The following ITSN1 variants were observed in gnomAD, a reference collection of about 807,000 sequenced individuals.
ITSN1 encodes intersectin-1.
In ITSN1, 58 loss-of-function variants were observed where a neutral mutation model predicts 239.8. The ratio of observed to expected loss-of-function variants is 0.24; its 90% CI spans 0.20 to 0.30. The LOEUF (loss-of-function observed/expected upper bound fraction) is 0.30. Ranked by LOEUF, ITSN1 falls within the 10% of genes least tolerant of loss-of-function variation. The probability of loss-of-function intolerance (pLI) is 1.00; values close to 1 mark genes in which losing one functional copy is unlikely to be tolerated. For missense variants in ITSN1, 1,558 were observed against 2,103.3 expected (o/e 0.74, Z 5.07); for synonymous variants, 780 against 770.8 (o/e 1.01, Z -0.20).
chr21:33,749,133 C>T (rs896755037), intron 5 of ITSN1, among the ~76,000 whole-genome samples: 4 of 151,800 alleles, frequency 2.6e-5, no homozygotes, highest in Non-Finnish European at 4.4e-5. Context: ...GGCCTACAGG[C>T]GGGTACCACC....
intron 33 of ITSN1, among the ~76,000 whole-genome samples, chr21:33,867,855 A>G (rs2148508274): frequency 6.6e-6 from 1 of 151,464 alleles, no homozygotes; most frequent in East Asian, 2.0e-4. Flanking sequence ...GAAGCTGCAG[A>G]CCTTCGCGGT....
intron 1 of ITSN1, 107 bp from the exon 2 acceptor site, chr21:33,718,690 T>C: frequency 1.3e-6 from 1 of 744,690 alleles, no homozygotes; most frequent in South Asian, 1.6e-5. Context: ...AGCTATGCTC[T>C]GGCTCTAGTA....
At chr21:33,761,775 C>T in intron 8 of ITSN1, 148 bp from the exon 9 acceptor site, 1 of 596,750 alleles carries the variant, frequency 1.7e-6, no homozygotes, top group Non-Finnish European at 3.1e-6. Context: ...TTCCTTTTTA[C>T]AAAGCCCCTG....
chr21:33,761,863 C>T (rs2068353266), intron 8 of ITSN1, 60 bp from the exon 9 acceptor site: 10 of 1,234,410 alleles, frequency 8.1e-6, no homozygotes, highest in South Asian at 1.2e-5. Flanking sequence ...AACCCTGGTC[C>T]TCCTGTACAG....
chr21:33,872,616 C>T (rs539624911), intron 33 of ITSN1, among the ~76,000 whole-genome samples: 1 of 152,288 alleles, frequency 6.6e-6, no homozygotes, highest in South Asian at 2.1e-4. Flanking sequence ...ACTGCAATGT[C>T]CGCCTCCTGG....
intron 35 of ITSN1, 142 bp from the exon 36 acceptor site, chr21:33,883,408 C>A: frequency 9.1e-7 from 1 of 1,099,436 alleles, no homozygotes; most frequent in Non-Finnish European, 1.3e-6. Flanking sequence ...TACTGAAACA[C>A]ACGCACGAGT....
intron 30 of ITSN1, 135 bp from the exon 31 acceptor site, chr21:33,858,551 C>T (rs1461909643): frequency 1.1e-5 from 6 of 527,936 alleles, no homozygotes; most frequent in South Asian, 3.1e-5. Context: ...TGCAGGAAAG[C>T]AGGCGTTCAC....
intron 33 of ITSN1, among the ~76,000 whole-genome samples, chr21:33,870,085 C>A (rs1018337136): frequency 1.3e-5 from 2 of 152,154 alleles, no homozygotes; most frequent in African/African-American, 2.4e-5. Context: ...TTACATGTGA[C>A]AAATCTCCCT....
intron 17 of ITSN1, among the ~76,000 whole-genome samples, chr21:33,795,038 G>A (rs1248798602): frequency 1.3e-5 from 2 of 152,114 alleles, no homozygotes; most frequent in Non-Finnish European, 2.9e-5. Context: ...GTAGAAATTT[G>A]TGTCTGATTT....
At chr21:33,817,384 C>CA (rs1301374664) in intron 22 of ITSN1, 2 of 1,304,438 alleles carry the variant, frequency 1.5e-6, no homozygotes, top group South Asian at 1.2e-5. Flanking sequence ...CCCTAGCTGT[C>CA]AAAGTCCTTC....
intron 1 of ITSN1, among the ~76,000 whole-genome samples, chr21:33,696,522 A>G (rs1026081790): frequency 2.0e-5 from 3 of 152,244 alleles, no homozygotes; most frequent in African/African-American, 7.2e-5. Flanking sequence ...ACATGTAGCC[A>G]ATTTAATTTT....
intron 29 of ITSN1, chr21:33,837,363 A>T: frequency 2.0e-6 from 2 of 1,002,224 alleles, no homozygotes; most frequent in Non-Finnish European, 2.4e-6. Context: ...TAAACAAAAT[A>T]AATAAATGAC....
At chr21:33,833,931 A>C (rs938281169) in intron 27 of ITSN1, among the ~76,000 whole-genome samples, 1 of 151,542 alleles carries the variant, frequency 6.6e-6, no homozygotes, top group Non-Finnish European at 1.5e-5. Context: ...TATTATTATT[A>C]TTATTATTCC....
intron 28 of ITSN1, 110 bp from the exon 29 acceptor site, chr21:33,836,331 C>A: frequency 1.4e-6 from 1 of 711,440 alleles, no homozygotes; most frequent in Admixed American, 3.5e-5. Flanking sequence ...TACTGTCACC[C>A]TCTTCTGAAA....
chr21:33,785,135 A>C (rs2070552948), intron 16 of ITSN1, among the ~76,000 whole-genome samples: 1 of 152,224 alleles, frequency 6.6e-6, no homozygotes, highest in African/African-American at 2.4e-5. Context: ...TTCCCTCATT[A>C]TAGGTTAGTA....
At chr21:33,718,986 G>A in intron 2 of ITSN1, 130 bp downstream of exon 2, 1 of 727,286 alleles carries the variant, frequency 1.4e-6, no homozygotes, top group East Asian at 2.7e-5. Flanking sequence ...CCATCATATA[G>A]TTTCATTAAT....
chr21:33,862,986 G>T (rs1980909589), intron 31 of ITSN1, among the ~76,000 whole-genome samples: 1 of 152,176 alleles, frequency 6.6e-6, no homozygotes, highest in Non-Finnish European at 1.5e-5. Flanking sequence ...ATTGCCTTTT[G>T]CAGTTCAAGT....
intron 16 of ITSN1, among the ~76,000 whole-genome samples, chr21:33,792,061 CATTGTGATGAACAA>C (rs2071178845): frequency 6.6e-6 from 1 of 152,076 alleles, no homozygotes; most frequent in African/African-American, 2.4e-5. Context: ...GTTTGTTAGA[CATTGTGATGAACAA>C]TGTCTAAGAT....
intron 26 of ITSN1, 170 bp from the exon 27 acceptor site, chr21:33,829,454 T>G: frequency 1.5e-6 from 1 of 672,166 alleles, no homozygotes; most frequent in Non-Finnish European, 2.6e-6. Context: ...GTCTGCCTGG[T>G]AGCTCTGGGA....
Sources: gnomAD v4.1 joint callset for allele counts (sites outside exome capture counted in the v4.1 genomes callset) on GRCh38, gnomAD v4.1.1 for gene constraint, MANE v1.5 for transcripts, NCBI Gene and HGNC (gene_info 2026-07-23, HGNC 2026-07-21) for gene names.